The following PHF19 variants were observed in gnomAD, a reference collection of about 807,000 sequenced individuals.
PHF19 encodes polycomb like 3.
Under a neutral mutation model 79.8 loss-of-function variants are expected in PHF19, and 21 were observed. The observed-to-expected ratio is 0.26, with a 90% CI of 0.19 to 0.38. The LOEUF (loss-of-function observed/expected upper bound fraction) is 0.38. Ranked by LOEUF, PHF19 falls within the 10% of genes least tolerant of loss-of-function variation. PHF19 has a pLI of 1.00. For synonymous variants in PHF19, 273 were observed against 296.3 expected (o/e 0.92, Z 0.81); for missense variants, 445 against 744.2 (o/e 0.60, Z 4.68).
chr9:120,871,061 C>T (rs1290654852), intron 3 of PHF19, among the ~76,000 whole-genome samples: 2 of 152,174 alleles, frequency 1.3e-5, no homozygotes, highest in Non-Finnish European at 2.9e-5. Context: ...TGCCACCACA[C>T]CCAGCTACTT....
chr9:120,876,595 G>A (rs991372210), intron 1 of PHF19, among the ~76,000 whole-genome samples: 6 of 152,210 alleles, frequency 3.9e-5, no homozygotes, highest in Non-Finnish European at 7.4e-5. Flanking sequence ...GCGCGGGGCC[G>A]GGCGGGGGCA....
rs764204141 is a variant in PHF19 at position 120,887,621 on chromosome 9, A to AACAC, written c.42+7163_42+7166dup. 2.7e-3 allele frequency among the ~76,000 whole-genome samples: 303 copies of AACAC among 113,620 alleles called. 2 individuals are homozygous for AACAC. The highest frequency in any genetic ancestry group is 0.012 in the East Asian group (43 of 3,700). The allele number at this position is 113,620 out of a possible 152,430, so 74.5% of individuals were successfully genotyped here. ...TCTTAAATACATCTGTTTATGAACAAACACACACACACACACACACACACA... is the reference window on the plus strand; with the variant it reads ...TCTTAAATACATCTGTTTATGAACAAACACACACACACACACACACACACACACA... On this transcript the variant is annotated intron_variant, in intron 1 of 14. Transcript: ENST00000616568.
At position 120,870,425 on chromosome 9, in the gene PHF19, C is replaced by G. The variant is rs780858821; in HGVS notation, c.364+18G>C. The G allele has an allele frequency of 1.0e-5, 16 of 1,551,014 alleles. No individual in the cohort carries two copies. Among genetic ancestry groups the G allele is most frequent in the Non-Finnish European group, 1.4e-5 (16 of 1,122,554 alleles). The stretch of plus-strand genomic sequence containing the variant: ...CTATAGGTCGGGGCCTTCTCAGGGC[C>G]CTGCTCGCTCCACTCACCCAGGCCA... On this transcript the variant is annotated intron_variant, in intron 4 of 14. Transcript: ENST00000373896. This position sits in a 1 kb window ranked among gnomAD's most constrained non-coding sequence, Gnocchi z 4.4.
At chr9:120,882,110 G>A (rs1367553732), upstream of PHF19, among the ~76,000 whole-genome samples, 1 of 152,210 alleles carries the variant, frequency 6.6e-6, no homozygotes, top group African/African-American at 2.4e-5. Flanking sequence ...GGTGTGGCAG[G>A]CATCAGGTCC....
At chr9:120,872,037 C>CAAAAAAAAAAAAAAAA (rs1170243737) in intron 3 of PHF19, among the ~76,000 whole-genome samples, 19 of 30,324 alleles carry the variant, frequency 6.3e-4, no homozygotes, top group African/African-American at 2.3e-3. Context: ...GACTCTGTCT[C>CAAAAAAAAAAAAAAAA]AAAAAAAAAA....
Position 120,858,115 on chromosome 9 carries a change from G to A in PHF19, c.1572C>T (p.Ser524=). ...DEGIDSHTFE[S]ISEDDSSLSH... is the part of the protein sequence containing the mutation. ...ACAGGGATGAGTCATCTTCACTGAT[G>A]CTCTCAAATGTGTGGCTGTCAATGC... Residue 524 remains serine (S), a synonymous_variant, in exon 15 of 15, where the codon AGC becomes AGT. Coordinates refer to ENST00000373896, the MANE Select transcript of PHF19 (RefSeq NM_015651.3). The A allele has an allele frequency of 6.2e-7, 1 of 1,614,176 alleles. No individual in the cohort carries two copies. Among genetic ancestry groups the A allele is most frequent in the Non-Finnish European group, 8.5e-7 (1 of 1,179,988 alleles).
intron 3 of PHF19, among the ~76,000 whole-genome samples, chr9:120,872,398 G>A (rs10985069): frequency 1.3e-5 from 2 of 152,378 alleles, no homozygotes; most frequent in East Asian, 1.9e-4. Flanking sequence ...AAGGAGCCTG[G>A]TATGTGGTGG....
intron 3 of PHF19, among the ~76,000 whole-genome samples, chr9:120,873,542 A>G (rs1251341398): frequency 6.6e-6 from 1 of 152,168 alleles, no homozygotes; most frequent in Non-Finnish European, 1.5e-5. Context: ...GGCTGCTTCC[A>G]TTAGTTTTAT....
chr9:120,889,852 G>A (rs530155748), intron 1 of PHF19, among the ~76,000 whole-genome samples: 1 of 152,238 alleles, frequency 6.6e-6, no homozygotes, highest in African/African-American at 2.4e-5. Context: ...GAACTAACAA[G>A]AAAGAAAGAG....
chr9:120,887,002 G>A (rs2046272462), intron 1 of PHF19, among the ~76,000 whole-genome samples: 2 of 151,080 alleles, frequency 1.3e-5, no homozygotes, highest in South Asian at 4.2e-4. Flanking sequence ...GGAGATGGAG[G>A]TTGCAATGAG....
At chr9:120,900,408 A>G in the PHF19 span, among the ~76,000 whole-genome samples, 1 of 152,232 alleles carries the variant, frequency 6.6e-6, no homozygotes, top group Non-Finnish European at 1.5e-5. Flanking sequence ...GATTCTAATT[A>G]CATTTTTAAA....
chr9:120,878,521 C>A (rs531920021), upstream of PHF19, among the ~76,000 whole-genome samples: 42 of 152,336 alleles, frequency 2.8e-4, no homozygotes, highest in African/African-American at 9.1e-4. Context: ...ACAGCACCTT[C>A]CCCCAGAGCC....
intron 9 of PHF19, 62 bp from the exon 10 acceptor site, chr9:120,864,178 G>GC: frequency 7.2e-7 from 1 of 1,382,406 alleles, no homozygotes; most frequent in Non-Finnish European, 1.0e-6. Context: ...GGAGGCCCAA[G>GC]CCCCTACTCC....
rs986667526 is a variant in PHF19 at position 120,860,984 on chromosome 9, G to A, written c.1304+105C>T. On this transcript the variant is annotated intron_variant, in intron 13 of 14. Transcript: ENST00000373896. The surrounding 1 kb of genome is among the most constrained non-coding windows in gnomAD (Gnocchi z 4.1). Reference sequence around the variant, plus strand: ...AGCTCTACTGCAAAAAGCCCCTTCAGACAGACCTGCACAGCAGGGATCCTT... The same window carrying A: ...AGCTCTACTGCAAAAAGCCCCTTCAAACAGACCTGCACAGCAGGGATCCTT... The A allele has an allele frequency of 1.6e-5, 12 of 759,750 alleles. No individual in the cohort carries two copies. The highest frequency in any genetic ancestry group is 2.9e-5 in the Non-Finnish European group (12 of 416,996). The allele number at this position is 759,750 out of a possible 1,614,324, so 47.1% of individuals were successfully genotyped here. A position where few individuals can be genotyped will look rare whatever the true frequency, so the allele number is the denominator to read the frequency against.
At position 120,862,238 on chromosome 9, in the gene PHF19, C is replaced by A. The variant is rs2045553029; in HGVS notation, c.1131-233G>T. Among the ~76,000 whole-genome samples the A allele has an allele frequency of 6.6e-6, 1 of 152,204 alleles. No homozygotes were observed. Among genetic ancestry groups the A allele is most frequent in the Admixed American group, 6.5e-5 (1 of 15,288 alleles). On this transcript the variant is annotated intron_variant, in intron 11 of 14. Coordinates refer to ENST00000373896, the MANE Select transcript of PHF19 (RefSeq NM_015651.3). This position sits in a 1 kb window ranked among gnomAD's most constrained non-coding sequence, Gnocchi z 4.6. ...GAAAAAGAAAAGGTGCCTCCCCAGG[C>A]ACATGCATCCAGATGCCCTGCCCCC...
intron 12 of PHF19, among the ~76,000 whole-genome samples, chr9:120,861,478 A>G (rs1042882882): frequency 3.3e-5 from 5 of 152,228 alleles, no homozygotes; most frequent in African/African-American, 1.2e-4. Flanking sequence ...GTAAAATTAA[A>G]TAATGCTTCT....
Position 120,887,073 on chromosome 9 carries a change from A to AAAAAGAAAAG in PHF19, c.42+7705_42+7714dup, listed in dbSNP as rs3047157. The stretch of plus-strand genomic sequence containing the variant: ...AGAGCCAGACTCTGTCTAAAAAAAA[A>AAAAAGAAAAG]AAAAGAAAAGAAAAGAAAAGAAAAA... On this transcript the variant is annotated intron_variant, in intron 1 of 14. Coordinates refer to the PHF19 transcript ENST00000616568. Among the ~76,000 whole-genome samples, 1,239 of 144,332 alleles carry AAAAAGAAAAG rather than the reference A, an allele frequency of 8.6e-3. 29 individuals carry two copies. The highest frequency in any genetic ancestry group is 0.029 in the African/African-American group (1,135 of 38,750). 94.7% of individuals were successfully genotyped at this position (144,332 alleles called of 152,430 possible).
In PHF19 at chr9:120,860,104, G is replaced by C; in HGVS notation, c.1386C>G (p.Leu462=). Residue 462 remains leucine, a synonymous_variant, in exon 14 of 15, where the codon CTC becomes CTG. Transcript: ENST00000373896. The surrounding 1 kb of genome is among the most constrained non-coding windows in gnomAD (Gnocchi z 4.1). The stretch of plus-strand genomic sequence containing the variant: ...AGGAAGCTCACCTGGAGTCATAGGA[G>C]AGGCTGGTGGAGGCAGAGCCAGAGG... ...ASTSGSASTS[L]SYDSRWTVGS... is the part of the protein sequence containing the mutation. 6.3e-7 allele frequency: 1 copy of C among 1,586,144 alleles called. No individual in the cohort carries two copies. Among genetic ancestry groups the C allele is most frequent in the South Asian group, 1.1e-5 (1 of 87,762 alleles).
At position 120,870,543 on chromosome 9, in the gene PHF19, AAGAG is replaced by A; in HGVS notation, c.269-9_269-6del. ...GCTCCTCTCCTGGAACACCGGCTGAAAGAGAGGGCCTCGAGGGTCGGGTCCAGCT... is the reference window on the plus strand; with the variant it reads ...GCTCCTCTCCTGGAACACCGGCTGAAAGGGCCTCGAGGGTCGGGTCCAGCT... On this transcript the variant is annotated splice_polypyrimidine_tract_variant and splice_region_variant and intron_variant, in intron 3 of 14. Transcript: ENST00000373896. This position sits in a 1 kb window ranked among gnomAD's most constrained non-coding sequence, Gnocchi z 4.4. The A allele has an allele frequency of 6.3e-7, 1 of 1,581,794 alleles. No individual in the cohort carries two copies. The highest frequency in any genetic ancestry group is 8.7e-7 in the Non-Finnish European group (1 of 1,150,440).
Sources: gnomAD v4.1 joint callset for allele counts (sites outside exome capture counted in the v4.1 genomes callset) on GRCh38, gnomAD v4.1.1 for gene constraint, Gnocchi (gnomAD v3.1) non-coding constraint, MANE v1.5 for transcripts, NCBI Gene and HGNC (gene_info 2026-07-23, HGNC 2026-07-21) for gene names.